The following EP400 variants were observed in gnomAD, a reference collection of about 807,000 sequenced individuals.
EP400 encodes the protein E1A binding protein p400.
A neutral mutation model predicts 354.1 loss-of-function variants in EP400; 105 were observed. That is an observed-to-expected ratio of 0.30 (90% CI 0.25 to 0.35). The LOEUF is 0.35. Among genes scored for constraint, EP400 ranks in the 10% least tolerant of loss-of-function variants. The pLI is 1.00. For synonymous variants in EP400, 1,646 were observed against 1,716.9 expected (o/e 0.96, Z 1.02); for missense variants, 3,280 against 4,121.0 (o/e 0.80, Z 5.59).
chr12:131,993,880 G>A (rs1394988732), intron 11 of EP400, among the ~76,000 whole-genome samples: 4 of 152,246 alleles, frequency 2.6e-5, no homozygotes, highest in Admixed American at 2.6e-4. Context: ...GTGCTCAACT[G>A]TATTGAAACA....
chr12:132,031,744 A>G lies in EP400; in HGVS notation c.5755-209A>G, dbSNP rs537371287. ...CTAATTTTTTGTATTTTTAGTAGAG[A>G]CGGGGTTTCGCCATGTTAGCCAGGA... On this transcript the variant is annotated intron_variant, in intron 29 of 52. Transcript: ENST00000389561. 1.9e-3 allele frequency among the ~76,000 whole-genome samples: 282 copies of G among 152,040 alleles called. 1 individual carries two copies. Among genetic ancestry groups the G allele is most frequent in the African/African-American group, 6.6e-3 (274 of 41,448 alleles).
At chr12:131,989,425 C>T (rs182027058) in intron 7 of EP400, among the ~76,000 whole-genome samples, 22 of 152,308 alleles carry the variant, frequency 1.4e-4, no homozygotes, top group Middle Eastern at 3.4e-3. Flanking sequence ...CTAGAACGGG[C>T]GTGGGGGTGA....
chr12:131,961,909 GGAGGAGGAA>G lies in EP400; in HGVS notation c.1302_1310del (p.Glu435_Glu437del), dbSNP rs777985941. 6.2e-6 allele frequency: 10 copies of G among 1,613,574 alleles called. No individual in the cohort carries two copies. In the African/African-American group the frequency reaches 6.7e-5, roughly 11 times the overall value. ...ATTTGGACATTGAAGAAGAGGAGGA[GGAGGAGGAA>G]GAGGAGGAAGAAAAATCTGAGGTTA... On this transcript the variant is annotated inframe_deletion, in exon 2 of 53. Coordinates refer to ENST00000389561, the MANE Select transcript of EP400 (RefSeq NM_015409.5).
intron 15 of EP400, 111 bp from the exon 16 acceptor site, chr12:132,011,387 G>C: frequency 7.5e-7 from 1 of 1,340,942 alleles, no homozygotes; most frequent in Non-Finnish European, 1.0e-6. Flanking sequence ...TCGTGCGATG[G>C]CTCATGTGAC....
At chr12:132,066,585 G>A (rs1303234659) in intron 48 of EP400, 189 bp from the exon 49 acceptor site, 8 of 594,484 alleles carry the variant, frequency 1.3e-5, no homozygotes, top group Middle Eastern at 8.7e-4. Flanking sequence ...TCAGAAGCGC[G>A]GGCTGACCTG....
rs143987314 is a variant in EP400 at position 132,077,808 on chromosome 12, A to G, written c.*135A>G. 5.2e-6 allele frequency: 6 copies of G among 1,147,348 alleles called. No individual in the cohort carries two copies. The African/African-American group carries it at 7.8e-5, about 15-fold the overall frequency. The allele number at this position is 1,147,348 out of a possible 1,614,324, so 71.1% of individuals were successfully genotyped here. ...AGATATAATTGAAACAAAATAGTGT[A>G]ATCATTTTATTAAAATGCATCCCAC... On this transcript the variant is annotated 3_prime_UTR_variant, in exon 53 of 53. Coordinates refer to ENST00000389561, the MANE Select transcript of EP400 (RefSeq NM_015409.5).
At position 132,059,893 on chromosome 12, in the gene EP400, C is replaced by T. The variant is rs558134014; in HGVS notation, c.7885-2217C>T. Reference sequence around the variant, plus strand: ...AAAAAATCAGCCAGGTGTGGTGGCACGCGTGTGTAGTCCCAGCTACTCGGG... The same window carrying T: ...AAAAAATCAGCCAGGTGTGGTGGCATGCGTGTGTAGTCCCAGCTACTCGGG... On this transcript the variant is annotated intron_variant, in intron 45 of 52. Coordinates refer to ENST00000389561, the MANE Select transcript of EP400 (RefSeq NM_015409.5). Among the ~76,000 whole-genome samples the T allele has an allele frequency of 1.6e-4, 25 of 151,684 alleles. No individual in the cohort carries two copies. In the South Asian group the frequency reaches 4.4e-3, roughly 27 times the overall value.
chr12:132,000,493 C>G (rs901060923), intron 12 of EP400, among the ~76,000 whole-genome samples: 10 of 152,274 alleles, frequency 6.6e-5, no homozygotes, highest in African/African-American at 2.2e-4. Flanking sequence ...ATTGCATTAT[C>G]CAGTTCTTAT....
chr12:132,018,302 G>A lies in EP400; in HGVS notation c.4203G>A (p.Arg1401=), dbSNP rs761600389. ...AELLSKKKIP[R]KLMEEISTSA... is the part of the protein sequence containing the mutation. ...TGCTGTCTAAGAAAAAGATACCGCG[G>A]AAACTCATGGAGGAAATCTCCACTT... Residue 1401 remains arginine (R), a synonymous_variant, in exon 21 of 53, where the codon CGG becomes CGA. Coordinates refer to ENST00000389561, the MANE Select transcript of EP400 (RefSeq NM_015409.5). The surrounding 1 kb of genome is among the most constrained non-coding windows in gnomAD (Gnocchi z 4.0). 6.2e-7 allele frequency: 1 copy of A among 1,613,542 alleles called. No homozygotes were observed. The highest frequency in any genetic ancestry group is 8.5e-7 in the Non-Finnish European group (1 of 1,179,904).
In EP400 at chr12:131,981,729, C is replaced by A. The variant is rs1220132027; in HGVS notation, c.1543+133C>A. On this transcript the variant is annotated intron_variant, in intron 4 of 52. Coordinates refer to ENST00000389561, the MANE Select transcript of EP400 (RefSeq NM_015409.5). ...CAGTGGGGTGCCTGAAATTGAGATA[C>A]TTCTCTGAGTCCCAGTCGATATCAT... 3 of 714,152 alleles carry A rather than the reference C, an allele frequency of 4.2e-6. No individual in the cohort carries two copies. In the African/African-American group the frequency reaches 5.4e-5, roughly 13 times the overall value. 44.2% of individuals were successfully genotyped at this position (714,152 alleles called of 1,614,324 possible). A position where few individuals can be genotyped will look rare whatever the true frequency, so the allele number is the denominator to read the frequency against.
Position 132,029,967 on chromosome 12 carries a change from C to T in EP400, c.5585-22C>T, listed in dbSNP as rs779465325. Reference sequence around the variant, plus strand: ...CACCGGCCCTGGATGATGAGGCGCTCTTGATGTGATTCGTTTCCCAGGGAA... The same window carrying T: ...CACCGGCCCTGGATGATGAGGCGCTTTTGATGTGATTCGTTTCCCAGGGAA... On this transcript the variant is annotated intron_variant, in intron 28 of 52. Transcript: ENST00000389561. The surrounding 1 kb of genome is among the most constrained non-coding windows in gnomAD (Gnocchi z 4.7). The T allele has an allele frequency of 6.2e-7, 1 of 1,613,420 alleles. No individual in the cohort carries two copies. Among genetic ancestry groups the T allele is most frequent in the Non-Finnish European group, 8.5e-7 (1 of 1,179,982 alleles).
chr12:131,993,902 G>T (rs1007025483), intron 11 of EP400, among the ~76,000 whole-genome samples: 1 of 152,208 alleles, frequency 6.6e-6, no homozygotes, highest in Non-Finnish European at 1.5e-5. Flanking sequence ...ACTTTTATTT[G>T]ACTTCTGTTT....
chr12:132,060,057 A>G (rs1271367372), intron 45 of EP400, among the ~76,000 whole-genome samples: 1 of 152,188 alleles, frequency 6.6e-6, no homozygotes. Flanking sequence ...ATTTTAAGGA[A>G]ATAGAAGATT....
At chr12:132,061,968 G>A in intron 45 of EP400, 142 bp from the exon 46 acceptor site, 1 of 681,306 alleles carries the variant, frequency 1.5e-6, no homozygotes. Flanking sequence ...GAAATCAGCA[G>A]TTTTCAAAAG....
chr12:132,051,229 G>A (rs1246228434), intron 41 of EP400, among the ~76,000 whole-genome samples: 1 of 152,220 alleles, frequency 6.6e-6, no homozygotes, highest in African/African-American at 2.4e-5. Context: ...AGGTCTGCTG[G>A]GATGAAATGA....
In EP400 at chr12:131,966,562, C is replaced by CAAAAAAAAAAAAA. The variant is rs534384776; in HGVS notation, c.1335+4621_1335+4633dup. On this transcript the variant is annotated intron_variant, in intron 2 of 52. Coordinates refer to ENST00000389561, the MANE Select transcript of EP400 (RefSeq NM_015409.5). ...TGGGCCACAGAGTGATACCCTACCT[C>CAAAAAAAAAAAAA]AAAAAAAAAAAAAAAAAAAAAAAAA... 1.2e-4 allele frequency among the ~76,000 whole-genome samples: 7 copies of CAAAAAAAAAAAAA among 57,520 alleles called. No homozygotes were observed. In the East Asian group the frequency reaches 3.3e-3, roughly 27 times the overall value. 37.7% of individuals were successfully genotyped at this position (57,520 alleles called of 152,430 possible). A position where few individuals can be genotyped will look rare whatever the true frequency, so the allele number is the denominator to read the frequency against.
At chr12:131,976,678 C>CA (rs1892486295) in intron 2 of EP400, among the ~76,000 whole-genome samples, 1 of 152,188 alleles carries the variant, frequency 6.6e-6, no homozygotes, top group Non-Finnish European at 1.5e-5. Context: ...CCATTGCACT[C>CA]CAGCCTGGGC....
intron 15 of EP400, among the ~76,000 whole-genome samples, chr12:132,011,089 T>C (rs1893749417): frequency 6.6e-6 from 1 of 152,222 alleles, no homozygotes; most frequent in African/African-American, 2.4e-5. Context: ...GCCTGCTGTG[T>C]GGGTGCCTGG....
intron 24 of EP400, among the ~76,000 whole-genome samples, chr12:132,024,753 C>T (rs1034954031): frequency 1.3e-5 from 2 of 150,342 alleles, no homozygotes; most frequent in African/African-American, 2.5e-5. Context: ...GCAGCCTCAG[C>T]GGCTACCTTC....
Sources: allele counts gnomAD v4.1 joint callset (sites outside exome capture counted in the v4.1 genomes callset), GRCh38; gene constraint gnomAD v4.1.1; non-coding constraint Gnocchi (gnomAD v3.1); transcripts MANE v1.5; gene names NCBI Gene and HGNC (gene_info 2026-07-23, HGNC 2026-07-21).